VAV1: variants seen among roughly 807,000 people sequenced by gnomAD.
The protein encoded by VAV1 is proto-oncogene vav.
In VAV1, 33 loss-of-function variants were observed where a neutral mutation model predicts 128.1. The ratio of observed to expected loss-of-function variants is 0.26; its 90% CI spans 0.20 to 0.34. The LOEUF (loss-of-function observed/expected upper bound fraction) is 0.34. Ranked by LOEUF, VAV1 falls within the 10% of genes least tolerant of loss-of-function variation. The pLI, the probability that VAV1 is intolerant of heterozygous loss-of-function variation, is 1.00. For missense variants in VAV1, 715 were observed against 1,093.7 expected (o/e 0.65, Z 4.88); for synonymous variants, 394 against 409.8 (o/e 0.96, Z 0.47).
Position 6,836,558 on chromosome 19 carries a change from A to G in VAV1, c.1904A>G (p.Asn635Ser). 1 of 1,613,994 alleles carries G rather than the reference A, an allele frequency of 6.2e-7. No homozygotes were observed. Among genetic ancestry groups the G allele is most frequent in the East Asian group, 2.2e-5 (1 of 44,858 alleles). Reference protein sequence around the residue: ...VELTKAEAEQNWWEGRNTSTN... With the variant: ...VELTKAEAEQSWWEGRNTSTN... ...CTCACGAAGGCTGAGGCTGAACAGA[A>G]CTGGTGGGAGGTACAGGCTGGGGCC... The change falls in exon 20 of 27, where the codon AAC (asparagine) becomes AGC (serine). Residue 635 changes from asparagine (N) to serine (S), a missense_variant. Physicochemically the swap from Asn to Ser is conservative, Grantham distance 46. Around this residue, in one of 3 missense-constraint regions of VAV1, gnomAD observed 407 missense variants for 580.6 expected, o/e 0.70. Coordinates refer to ENST00000602142, the MANE Select transcript of VAV1 (RefSeq NM_005428.4).
rs192499474 is a variant in VAV1 at position 6,785,948 on chromosome 19, C to G, written c.204+12937C>G. 7.2e-5 allele frequency among the ~76,000 whole-genome samples: 11 copies of G among 152,186 alleles called. No homozygotes were observed. The East Asian group carries it at 2.1e-3, about 29-fold the overall frequency. ...TGCTGGGATTACAGGTAATGAGCCA[C>G]CGCGCCCAGCCCAGATTTCTTATCT... On this transcript the variant is annotated intron_variant, in intron 1 of 26. Transcript: ENST00000602142.
chr19:6,774,396 G>A (rs1970574027), intron 1 of VAV1, among the ~76,000 whole-genome samples: 1 of 149,042 alleles, frequency 6.7e-6, no homozygotes, highest in Admixed American at 6.7e-5. Context: ...CCAAAGTGCT[G>A]GGATTACAGG....
chr19:6,806,448 A>T (rs1260512459), intron 1 of VAV1, among the ~76,000 whole-genome samples: 2 of 152,166 alleles, frequency 1.3e-5, no homozygotes, highest in Non-Finnish European at 2.9e-5. Flanking sequence ...GCAAACTCGT[A>T]TGTGGGTTTT....
intron 21 of VAV1, among the ~76,000 whole-genome samples, chr19:6,838,542 G>T (rs891260018): frequency 6.6e-6 from 1 of 151,626 alleles, no homozygotes; most frequent in Admixed American, 6.6e-5. Context: ...TCTATTCACC[G>T]ATCATCTCTC....
intron 26 of VAV1, among the ~76,000 whole-genome samples, chr19:6,855,297 A>G (rs903205481): frequency 2.6e-5 from 4 of 152,264 alleles, no homozygotes; most frequent in African/African-American, 9.6e-5. Flanking sequence ...TTGGAGGGTC[A>G]GTTTAATGAG....
In VAV1 at chr19:6,820,201, C is replaced by A. The variant is rs1375670477; in HGVS notation, c.205-501C>A. On this transcript the variant is annotated intron_variant, in intron 1 of 26. Transcript: ENST00000602142. This position sits in a 1 kb window ranked among gnomAD's most constrained non-coding sequence, Gnocchi z 4.4. Reference sequence around the variant, plus strand: ...GGGTGTTGCGACACATGACTGAAGTCCTAGCTACCTGGGAGGTGGAGGCAG... The same window carrying A: ...GGGTGTTGCGACACATGACTGAAGTACTAGCTACCTGGGAGGTGGAGGCAG... Among the ~76,000 whole-genome samples, 2 of 152,076 alleles carry A rather than the reference C, an allele frequency of 1.3e-5. No individual in the cohort carries two copies. The highest frequency in any genetic ancestry group is 4.8e-5 in the African/African-American group (2 of 41,414).
intron 26 of VAV1, 35 bp downstream of exon 26, chr19:6,854,133 T>A: frequency 6.2e-7 from 1 of 1,605,586 alleles, no homozygotes; most frequent in Non-Finnish European, 8.5e-7. Context: ...GGGGAGGGCA[T>A]GGGGGTTGAG....
At position 6,826,778 on chromosome 19, in the gene VAV1, G is replaced by T. The variant is rs928930673; in HGVS notation, c.927+67G>T. The T allele has an allele frequency of 2.7e-5, 35 of 1,286,724 alleles. No homozygotes were observed. The highest frequency in any genetic ancestry group is 3.6e-5 in the Non-Finnish European group (33 of 920,870). 79.7% of individuals were successfully genotyped at this position (1,286,724 alleles called of 1,614,324 possible). ...CCCAGGCCCTGGGGGCAGCAGGGAG[G>T]ACACTGAGTTGCAGATGGTCCACTT... On this transcript the variant is annotated intron_variant, in intron 9 of 26. Transcript: ENST00000602142. This position sits in a 1 kb window ranked among gnomAD's most constrained non-coding sequence, Gnocchi z 4.1.
intron 1 of VAV1, among the ~76,000 whole-genome samples, chr19:6,785,672 T>G (rs1194967841): frequency 6.7e-6 from 1 of 148,714 alleles, no homozygotes; most frequent in Non-Finnish European, 1.5e-5. Context: ...TTTTTTTTTT[T>G]TTTTTGAGAT....
chr19:6,797,743 T>TA (rs530435791), intron 1 of VAV1, among the ~76,000 whole-genome samples: 3,788 of 89,900 alleles, frequency 0.042, 324 homozygotes, highest in African/African-American at 0.14. Flanking sequence ...AAACTCCGTC[T>TA]AAAAAAAAAA....
intron 1 of VAV1, among the ~76,000 whole-genome samples, chr19:6,798,711 A>G (rs770699245): frequency 2.7e-5 from 4 of 149,346 alleles, no homozygotes; most frequent in East Asian, 1.9e-4. Flanking sequence ...GGGTCTCCCT[A>G]TGTTGCCCAG....
chr19:6,821,944 C>G, intron 4 of VAV1, 85 bp downstream of exon 4: 1 of 1,563,716 alleles, frequency 6.4e-7, no homozygotes, highest in Non-Finnish European at 8.8e-7. Flanking sequence ...CCTTGCCCTC[C>G]GGGAAATAAG....
intron 26 of VAV1, among the ~76,000 whole-genome samples, chr19:6,856,596 C>T (rs1023179354): frequency 7.3e-5 from 11 of 151,256 alleles, no homozygotes; most frequent in African/African-American, 1.5e-4. Flanking sequence ...TGGTGGCAGG[C>T]GCCTGTAATC....
rs1182441679 is a variant in VAV1 at position 6,820,771 on chromosome 19, G to A, written c.274G>A (p.Glu92Lys). The A allele has an allele frequency of 3.1e-6, 5 of 1,614,044 alleles. No individual in the cohort carries two copies. The highest frequency in any genetic ancestry group is 1.3e-5 in the African/African-American group (1 of 74,908). ...CCEKFGLKRS[E>K]LFEAFDLFDV... ...TGAGAAGTTCGGCCTCAAGCGGAGC[G>A]AGCTCTTCGAAGCCTTTGACCTCTT... Residue 92 changes from glutamate (E) to lysine (K), a missense_variant, in exon 2 of 27, where the codon GAG becomes AAG. Transcript: ENST00000602142. This position sits in a 1 kb window ranked among gnomAD's most constrained non-coding sequence, Gnocchi z 4.4.
At chr19:6,850,572 C>T in intron 23 of VAV1, 98 bp from the exon 24 acceptor site, 3 of 1,152,722 alleles carry the variant, frequency 2.6e-6, no homozygotes, top group East Asian at 2.4e-5. Flanking sequence ...GTAGTTACTC[C>T]TCCCTGAAGG....
Position 6,857,184 on chromosome 19 carries a change from G to C in VAV1, c.*77G>C. The C allele has an allele frequency of 6.3e-7, 1 of 1,599,618 alleles. No individual in the cohort carries two copies. The highest frequency in any genetic ancestry group is 8.5e-7 in the Non-Finnish European group (1 of 1,172,562). Reference sequence around the variant, plus strand: ...TGGGCAGGCAGCGGAGCCAGGGGCTGTGACAGCTCCCGGCGGGTGGAGACT... The same window carrying C: ...TGGGCAGGCAGCGGAGCCAGGGGCTCTGACAGCTCCCGGCGGGTGGAGACT... On this transcript the variant is annotated 3_prime_UTR_variant, in exon 27 of 27. Coordinates refer to ENST00000602142, the MANE Select transcript of VAV1 (RefSeq NM_005428.4).
At chr19:6,773,491 C>G (rs548714131) in intron 1 of VAV1, among the ~76,000 whole-genome samples, 2 of 152,194 alleles carry the variant, frequency 1.3e-5, no homozygotes, top group Admixed American at 1.3e-4. Flanking sequence ...CCTTCCTTCC[C>G]CTTACATCTT....
At chr19:6,806,760 G>C (rs1472102323) in intron 1 of VAV1, among the ~76,000 whole-genome samples, 2 of 152,230 alleles carry the variant, frequency 1.3e-5, no homozygotes, top group Non-Finnish European at 2.9e-5. Flanking sequence ...GACTGGAACT[G>C]GGGGTGGAGC....
intron 22 of VAV1, among the ~76,000 whole-genome samples, chr19:6,844,979 T>A (rs1227887031): frequency 6.6e-6 from 1 of 152,152 alleles, no homozygotes. Context: ...AGTCAGATTC[T>A]GTCTTTATTC....
Sources: gnomAD v4.1 joint callset for allele counts (sites outside exome capture counted in the v4.1 genomes callset) on GRCh38, gnomAD v4.1.1 for gene constraint, gnomAD v4.1.1 regional missense constraint, Gnocchi (gnomAD v3.1) non-coding constraint, MANE v1.5 for transcripts, NCBI Gene and HGNC (gene_info 2026-07-23, HGNC 2026-07-21) for gene names.